The following PDE1A variants were observed in gnomAD, a reference collection of about 807,000 sequenced individuals.
PDE1A encodes the protein dual specificity calcium/calmodulin-dependent 3',5'-cyclic nucleotide phosphodiesterase 1A.
A neutral mutation model predicts 61.7 loss-of-function variants in PDE1A; 35 were observed. The observed-to-expected ratio is 0.57, with a 90% CI of 0.43 to 0.75. PDE1A has a LOEUF of 0.75. Among genes scored for constraint, PDE1A ranks in the 30% least tolerant of loss-of-function variants. The pLI is 0.00. For synonymous variants in PDE1A, 232 were observed against 213.2 expected, an observed-to-expected ratio of 1.09 and a Z score of -0.77; for missense variants, 597 against 630.6, an observed-to-expected ratio of 0.95 and a Z score of 0.57.
chr2:182,538,549 C>T, the PDE1A span, among the ~76,000 whole-genome samples: 2 of 151,922 alleles, frequency 1.3e-5, no homozygotes, highest in Admixed American at 1.3e-4. Context: ...TTATTAGCCT[C>T]ATGCCATATA....
At chr2:182,697,336 A>G in the PDE1A span, among the ~76,000 whole-genome samples, 1 of 152,196 alleles carries the variant, frequency 6.6e-6, no homozygotes, top group African/African-American at 2.4e-5. Flanking sequence ...TAACATATCT[A>G]AATCTCAGCT....
intron 2 of PDE1A, among the ~76,000 whole-genome samples, chr2:182,500,403 A>G (rs941060982): frequency 6.6e-6 from 1 of 152,196 alleles, no homozygotes; most frequent in African/African-American, 2.4e-5. Context: ...AAGAATATTT[A>G]AAATAGATAA....
chr2:182,425,202 G>C (rs1703535514), intron 1 of PDE1A, among the ~76,000 whole-genome samples: 1 of 152,150 alleles, frequency 6.6e-6, no homozygotes, highest in Non-Finnish European at 1.5e-5. Context: ...ACACAACCTT[G>C]CCTTTCCAAA....
chr2:182,390,040 G>A (rs1701333653), intron 1 of PDE1A, among the ~76,000 whole-genome samples: 1 of 152,108 alleles, frequency 6.6e-6, no homozygotes, highest in African/African-American at 2.4e-5. Context: ...ATTCAGACTG[G>A]CTTTCTTGCT....
At chr2:182,694,966 A>T in the PDE1A span, among the ~76,000 whole-genome samples, 1 of 151,930 alleles carries the variant, frequency 6.6e-6, no homozygotes, top group African/African-American at 2.4e-5. Flanking sequence ...TTTGGGAAGT[A>T]ACATATTATT....
At chr2:182,626,959 T>G in the PDE1A span, among the ~76,000 whole-genome samples, 1 of 107,022 alleles carries the variant, frequency 9.3e-6, no homozygotes, top group Non-Finnish European at 1.8e-5. Flanking sequence ...AATATGCAAT[T>G]GCCTTTGAGA....
chr2:182,365,515 T>C (rs1418658219), intron 1 of PDE1A, among the ~76,000 whole-genome samples: 2 of 151,994 alleles, frequency 1.3e-5, no homozygotes, highest in East Asian at 3.9e-4. Context: ...AGTCACAAAA[T>C]GGACAAATTA....
rs921006145 is a variant in PDE1A at position 182,242,127 on chromosome 2, T to G, written c.168-1835A>C. 1.8e-5 allele frequency: 22 copies of G among 1,209,582 alleles called. No individual in the cohort carries two copies. In the African/African-American group the frequency reaches 3.4e-4, roughly 19 times the overall value. 74.9% of individuals were successfully genotyped at this position (1,209,582 alleles called of 1,614,324 possible). ...ACTGCAGCCTAGTTTTGTCAGCTAATCTCCTTAGAATGACAGAAACCTGGC... is the reference window on the plus strand; with the variant it reads ...ACTGCAGCCTAGTTTTGTCAGCTAAGCTCCTTAGAATGACAGAAACCTGGC... On this transcript the variant is annotated intron_variant, in intron 2 of 13. Coordinates refer to ENST00000351439, the Ensembl canonical transcript of PDE1A.
chr2:182,346,741 A>C (rs889919530), intron 1 of PDE1A, among the ~76,000 whole-genome samples: 1 of 152,132 alleles, frequency 6.6e-6, no homozygotes, highest in East Asian at 1.9e-4. Context: ...GCATATTTAC[A>C]TATCTGTACA....
intron 2 of PDE1A, among the ~76,000 whole-genome samples, chr2:182,503,680 G>A (rs575097842): frequency 1.3e-5 from 2 of 152,238 alleles, no homozygotes; most frequent in African/African-American, 4.8e-5. Flanking sequence ...ACCATCACGA[G>A]AAGCTCTTTC....
chr2:182,303,413 G>T (rs923863160), intron 1 of PDE1A, among the ~76,000 whole-genome samples: 9 of 152,316 alleles, frequency 5.9e-5, no homozygotes, highest in Non-Finnish European at 1.2e-4. Flanking sequence ...CATTTGAAAT[G>T]AAATCTTGTT....
chr2:182,564,021 G>T, the PDE1A span, among the ~76,000 whole-genome samples: 1 of 152,156 alleles, frequency 6.6e-6, no homozygotes, highest in Non-Finnish European at 1.5e-5. Flanking sequence ...TTGCCAGTCT[G>T]TGTCTTTTCA....
chr2:182,273,472 AAT>A (rs201433336), intron 1 of PDE1A, among the ~76,000 whole-genome samples: 1,763 of 149,762 alleles, frequency 0.012, 25 homozygotes, highest in African/African-American at 0.04. Context: ...TAACATAAAA[AAT>A]ATATATATAT....
At chr2:182,331,035 C>T (rs913828324) in intron 1 of PDE1A, among the ~76,000 whole-genome samples, 3 of 152,164 alleles carry the variant, frequency 2.0e-5, no homozygotes, top group African/African-American at 7.2e-5. Context: ...TACCTGCTCA[C>T]TGAACATCTC....
chr2:182,616,639 C>G, the PDE1A span, among the ~76,000 whole-genome samples: 1 of 152,166 alleles, frequency 6.6e-6, no homozygotes, highest in East Asian at 1.9e-4. Context: ...TAGTCAGACT[C>G]CCCAGGAGAG....
Position 182,352,893 on chromosome 2 carries a change from T to TA in PDE1A, c.53+73684dup, listed in dbSNP as rs1234995693. Among the ~76,000 whole-genome samples the TA allele has an allele frequency of 2.6e-5, 4 of 151,654 alleles. No individual in the cohort carries two copies. In the East Asian group the frequency reaches 5.8e-4, roughly 22 times the overall value. On this transcript the variant is annotated intron_variant, in intron 1 of 13. Coordinates refer to ENST00000351439, the Ensembl canonical transcript of PDE1A. ...TCTAAACTGAGAACTTGAAAATCAT[T>TA]AAAAAAAATAAATCAACAATTTGAC...
the PDE1A span, among the ~76,000 whole-genome samples, chr2:182,641,649 T>C: frequency 6.6e-6 from 1 of 152,216 alleles, no homozygotes; most frequent in African/African-American, 2.4e-5. Flanking sequence ...AACGTTAGTC[T>C]TCTTTCACAT....
intron 1 of PDE1A, among the ~76,000 whole-genome samples, chr2:182,334,346 C>T (rs4583421): frequency 0.27 from 40,820 of 151,572 alleles, 5,599 homozygotes; most frequent in Middle Eastern, 0.38. Flanking sequence ...AGGCCAATAT[C>T]CCTGATGAAC....
the PDE1A span, among the ~76,000 whole-genome samples, chr2:182,626,317 T>G: frequency 4.6e-5 from 7 of 152,144 alleles, no homozygotes; most frequent in African/African-American, 1.7e-4. Context: ...GAATCTGAAT[T>G]CAATTTCAGA....
Sources: allele counts gnomAD v4.1 joint callset (sites outside exome capture counted in the v4.1 genomes callset), GRCh38; gene constraint gnomAD v4.1.1; transcripts MANE v1.5; gene names NCBI Gene and HGNC (gene_info 2026-07-23, HGNC 2026-07-21).